TRIM28: variants seen among roughly 807,000 people sequenced by gnomAD.
TRIM28 encodes the protein transcription intermediary factor 1-beta.
Under a neutral mutation model 87.4 loss-of-function variants are expected in TRIM28, and 8 were observed. The ratio of observed to expected loss-of-function variants is 0.09; its 90% CI spans 0.05 to 0.17. The LOEUF is 0.17. TRIM28 is among the 10% of genes least tolerant of loss of function. The pLI, the probability that TRIM28 is intolerant of heterozygous loss-of-function variation, is 1.00. For missense variants in TRIM28, 968 were observed against 1,131.8 expected (o/e 0.86, Z 2.08); for synonymous variants, 601 against 454.3 (o/e 1.32, Z -4.11).
Position 58,549,453 on chromosome 19 carries a change from T to A in TRIM28, c.1785T>A (p.Pro595=), listed in dbSNP as rs368258628. 6.2e-6 allele frequency: 10 copies of A among 1,611,404 alleles called. No homozygotes were observed. In the African/African-American group the frequency reaches 1.3e-4, roughly 22 times the overall value. The change falls in exon 13 of 17, where the codon CCT becomes CCA. Residue 595 remains proline, a synonymous_variant. Coordinates refer to ENST00000253024, the MANE Select transcript of TRIM28 (RefSeq NM_005762.3). This position sits in a 1 kb window ranked among gnomAD's most constrained non-coding sequence, Gnocchi z 4.4. ...CTGAGGGTCCCCGCCTGGCCTCACC[T>A]AGTGGCAGCACCAGCTCAGGGCTGG... is the stretch of plus-strand genomic sequence containing the variant. ...PGAEGPRLAS[P]SGSTSSGLEV... is the part of the protein sequence containing the mutation.
At position 58,544,716 on chromosome 19, in the gene TRIM28, C is replaced by G; in HGVS notation, c.-42C>G. On this transcript the variant is annotated 5_prime_UTR_variant, in exon 1 of 17. Coordinates refer to ENST00000253024, the MANE Select transcript of TRIM28 (RefSeq NM_005762.3). ...GCGTCTGCGCCTGCGCGGCGGGCCC[C>G]GCGCCCCTCCTCCCCCCCTGGGCGC... 1 of 929,670 alleles carries G rather than the reference C, an allele frequency of 1.1e-6. No homozygotes were observed. 57.6% of individuals were successfully genotyped at this position (929,670 alleles called of 1,614,324 possible).
rs1410469423 is a variant in TRIM28 at position 58,549,558 on chromosome 19, C to T, written c.1890C>T (p.Val630=). 1.9e-5 allele frequency: 30 copies of T among 1,614,128 alleles called. No homozygotes were observed. Among genetic ancestry groups the T allele is most frequent in the Non-Finnish European group, 2.5e-5 (30 of 1,180,004 alleles). Residue 630 remains valine, a synonymous_variant, in exon 13 of 17, where the codon GTC becomes GTT. Transcript: ENST00000253024. The surrounding 1 kb of genome is among the most constrained non-coding windows in gnomAD (Gnocchi z 4.4). ...ATGACAGTGCCACCATTTGCCGTGT[C>T]TGCCAGAAGCCAGGCGATCTGGTTA... is the stretch of plus-strand genomic sequence containing the variant. ...TLDDSATICR[V]CQKPGDLVMC...
In TRIM28 at chr19:58,549,224, G is replaced by C; in HGVS notation, c.1646G>C (p.Gly549Ala). 6.2e-7 allele frequency: 1 copy of C among 1,613,526 alleles called. No homozygotes were observed. Reference sequence around the variant, plus strand: ...ACCCCTGGTGCCCCACCCCTGGCTGGCATGGCCATTGTCAAGGTAAGCCTG... The same window carrying C: ...ACCCCTGGTGCCCCACCCCTGGCTGCCATGGCCATTGTCAAGGTAAGCCTG... The part of the protein sequence containing the change: ...AGTPGAPPLA[G>A]MAIVKEEETE... The change falls in exon 12 of 17, where the codon GGC becomes GCC. Residue 549 changes from glycine (G) to alanine (A), a missense_variant. Transcript: ENST00000253024. This position sits in a 1 kb window ranked among gnomAD's most constrained non-coding sequence, Gnocchi z 4.4.
Position 58,549,364 on chromosome 19 carries a change from C to T in TRIM28, c.1696C>T (p.Pro566Ser), listed in dbSNP as rs1568662434. The T allele has an allele frequency of 4.5e-6, 7 of 1,570,638 alleles. No homozygotes were observed. The highest frequency in any genetic ancestry group is 6.1e-6 in the Non-Finnish European group (7 of 1,155,278). ...EETEAAIGAP[P>S]TATEGPETKP... The stretch of plus-strand genomic sequence containing the variant: ...GACGGAGGCTGCCATTGGAGCCCCT[C>T]CTACTGCCACTGAGGGCCCTGAGAC... Residue 566 changes from proline (P) to serine (S), a missense_variant, in exon 13 of 17, where the codon CCT (proline) becomes TCT (serine). Physicochemically the swap from Pro to Ser is moderately conservative, Grantham distance 74 (BLOSUM62 -1). This residue lies in a region of TRIM28 where 164 missense variants were observed against 146.2 expected (regional missense o/e 1.12). Coordinates refer to ENST00000253024, the MANE Select transcript of TRIM28 (RefSeq NM_005762.3). This position sits in a 1 kb window ranked among gnomAD's most constrained non-coding sequence, Gnocchi z 4.4.
At chr19:58,547,280 C>G (rs2053769587) in intron 3 of TRIM28, 96 bp from the exon 4 acceptor site, 5 of 1,511,816 alleles carry the variant, frequency 3.3e-6, no homozygotes, top group Middle Eastern at 1.8e-4. Flanking sequence ...GGCCCAGTGT[C>G]ACAGAACAGG....
In TRIM28 at chr19:58,549,911, G is replaced by A; in HGVS notation, c.2107-38G>A. ...GGTTGCCCAGAGAGGCTTTATAGGT[G>A]CTGCCCAGAGCTGTGACATCCCTTA... On this transcript the variant is annotated intron_variant, in intron 14 of 16. Coordinates refer to ENST00000253024, the MANE Select transcript of TRIM28 (RefSeq NM_005762.3). The surrounding 1 kb of genome is among the most constrained non-coding windows in gnomAD (Gnocchi z 4.4). The A allele has an allele frequency of 6.2e-7, 1 of 1,614,042 alleles. No individual in the cohort carries two copies. The highest frequency in any genetic ancestry group is 1.1e-5 in the South Asian group (1 of 91,078).
rs2053799814 is a variant in TRIM28, at chr19:58,549,911, G to C, written c.2107-38G>C. On this transcript the variant is annotated intron_variant, in intron 14 of 16. Coordinates refer to ENST00000253024, the MANE Select transcript of TRIM28 (RefSeq NM_005762.3). The surrounding 1 kb of genome is among the most constrained non-coding windows in gnomAD (Gnocchi z 4.4). ...GGTTGCCCAGAGAGGCTTTATAGGT[G>C]CTGCCCAGAGCTGTGACATCCCTTA... The C allele has an allele frequency of 1.9e-6, 3 of 1,614,042 alleles. No individual in the cohort carries two copies. The African/African-American group carries it at 4.0e-5, about 22-fold the overall frequency.
intron 3 of TRIM28, among the ~76,000 whole-genome samples, chr19:58,546,973 GAGA>G (rs1315457312): frequency 6.7e-6 from 1 of 150,166 alleles, no homozygotes; most frequent in African/African-American, 2.5e-5. Context: ...ACCATGAAAG[GAGA>G]AGAAAAGGAA....
chr19:58,545,435 T>C lies in TRIM28; in HGVS notation c.351T>C (p.Cys117=), dbSNP rs779928379. 6.2e-7 allele frequency: 1 copy of C among 1,611,472 alleles called. No homozygotes were observed. Among genetic ancestry groups the C allele is most frequent in the Non-Finnish European group, 8.5e-7 (1 of 1,179,030 alleles). ...CCCTGCTTCTCGAAGTGGTGGACTG[T>C]CCCGTGTGCAAGCAACAGTGCTTCT... ...GAAGDGTVVD[C]PVCKQQCFSK... The change falls in exon 2 of 17, where the codon TGT becomes TGC. Residue 117 remains cysteine (C), a synonymous_variant. Transcript: ENST00000253024.
At position 58,549,045 on chromosome 19, in the gene TRIM28, C is replaced by T. The variant is rs2053788434; in HGVS notation, c.1467C>T (p.Ser489=). 1 of 1,614,036 alleles carries T rather than the reference C, an allele frequency of 6.2e-7. No individual in the cohort carries two copies. Among genetic ancestry groups the T allele is most frequent in the Non-Finnish European group, 8.5e-7 (1 of 1,179,970 alleles). Residue 489 remains serine, a synonymous_variant, in exon 12 of 17, where the codon AGC becomes AGT. Transcript: ENST00000253024. The surrounding 1 kb of genome is among the most constrained non-coding windows in gnomAD (Gnocchi z 4.4). ...TTATGCGCAAGGTGCCACGAGTGAG[C>T]CTTGAACGCCTGGACCTGGACCTCA... ...SGLMRKVPRV[S]LERLDLDLTA...
intron 1 of TRIM28, 126 bp downstream of exon 1, chr19:58,545,223 T>C (rs867774077): frequency 7.1e-6 from 7 of 990,462 alleles, no homozygotes; most frequent in African/African-American, 3.3e-5. Context: ...GGAAATACTT[T>C]CTGGGTCCTG....
At chr19:58,550,331 G>C in intron 16 of TRIM28, 46 bp from the exon 17 acceptor site, 1 of 1,613,408 alleles carries the variant, frequency 6.2e-7, no homozygotes, top group Non-Finnish European at 8.5e-7. Flanking sequence ...AGATGTGAAG[G>C]AAAGAACTAG....
chr19:58,549,549 T>C lies in TRIM28; in HGVS notation c.1881T>C (p.Ile627=). ...GPGTLDDSAT[I]CRVCQKPGDL... ...GAACCCTGGATGACAGTGCCACCAT[T>C]TGCCGTGTCTGCCAGAAGCCAGGCG... The change falls in exon 13 of 17, where the codon ATT becomes ATC. Residue 627 remains isoleucine (I), a synonymous_variant. Transcript: ENST00000253024. This position sits in a 1 kb window ranked among gnomAD's most constrained non-coding sequence, Gnocchi z 4.4. 6.2e-7 allele frequency: 1 copy of C among 1,614,078 alleles called. No individual in the cohort carries two copies. Among genetic ancestry groups the C allele is most frequent in the Non-Finnish European group, 8.5e-7 (1 of 1,179,982 alleles).
In TRIM28 at chr19:58,549,413, C is replaced by T. The variant is rs765499008; in HGVS notation, c.1745C>T (p.Ala582Val). Residue 582 changes from alanine (A) to valine (V), a missense_variant, in exon 13 of 17, where the codon GCG becomes GTG. Physicochemically the swap from Ala to Val is moderately conservative, Grantham distance 64. Coordinates refer to ENST00000253024, the MANE Select transcript of TRIM28 (RefSeq NM_005762.3). This position sits in a 1 kb window ranked among gnomAD's most constrained non-coding sequence, Gnocchi z 4.4. ...ACCAAACCTGTGCTTATGGCTCTTG[C>T]GGAGGGTCCTGGTGCTGAGGGTCCC... ...PETKPVLMALAEGPGAEGPRL... is the reference protein window; with the variant it reads ...PETKPVLMALVEGPGAEGPRL... 3.9e-5 allele frequency: 62 copies of T among 1,597,980 alleles called. 1 individual carries two copies. Among genetic ancestry groups the T allele is most frequent in the South Asian group, 2.1e-4 (19 of 90,150 alleles).
Position 58,550,643 on chromosome 19 carries a change from CTG to C in TRIM28, c.*91_*92del. The C allele has an allele frequency of 1.5e-6, 2 of 1,319,028 alleles. No individual in the cohort carries two copies. The highest frequency in any genetic ancestry group is 2.1e-6 in the Non-Finnish European group (2 of 971,322). The allele number at this position is 1,319,028 out of a possible 1,614,324, so 81.7% of individuals were successfully genotyped here. ...CCCCTGGTGGCCTGACTCCCACTCC[CTG>C]GTGGCCCCATCCCCCAGTTCCTCAC... On this transcript the variant is annotated 3_prime_UTR_variant, in exon 17 of 17. Transcript: ENST00000253024.
Position 58,548,337 on chromosome 19 carries a change from C to A in TRIM28, c.1145C>A (p.Pro382His). 1 of 1,614,164 alleles carries A rather than the reference C, an allele frequency of 6.2e-7. No homozygotes were observed. The highest frequency in any genetic ancestry group is 8.5e-7 in the Non-Finnish European group (1 of 1,180,022). The change falls in exon 8 of 17, where the codon CCC becomes CAC. Residue 382 changes from proline to histidine, a missense_variant. Pro to His is a moderately conservative substitution (Grantham distance 77). This residue lies in a region of TRIM28 where 84 missense variants were observed against 139.9 expected (regional missense o/e 0.60). Coordinates refer to ENST00000253024, the MANE Select transcript of TRIM28 (RefSeq NM_005762.3). ...CGGGCCCTCAAGATGATTGTGGATCCCGTGGAGCCACATGGCGAGATGAAG... is the reference window on the plus strand; with the variant it reads ...CGGGCCCTCAAGATGATTGTGGATCACGTGGAGCCACATGGCGAGATGAAG... Reference protein sequence around the residue: ...LHRALKMIVDPVEPHGEMKFQ... With the variant: ...LHRALKMIVDHVEPHGEMKFQ...
At chr19:58,547,102 T>G in intron 3 of TRIM28, 2 of 380,774 alleles carry the variant, frequency 5.3e-6, no homozygotes, top group African/African-American at 2.1e-5. Flanking sequence ...GTGGTCCTCT[T>G]TTTCTAGACG....
intron 3 of TRIM28, among the ~76,000 whole-genome samples, chr19:58,546,482 C>T (rs900496960): frequency 2.0e-5 from 3 of 152,124 alleles, no homozygotes; most frequent in Non-Finnish European, 4.4e-5. Context: ...CATGAGTGGC[C>T]TTTTGGTAGC....
In TRIM28 at chr19:58,549,129, C is replaced by T. The variant is rs2053789279; in HGVS notation, c.1551C>T (p.Tyr517=). Residue 517 remains tyrosine (Y), a synonymous_variant, in exon 12 of 17, where the codon TAC becomes TAT. Transcript: ENST00000253024. This position sits in a 1 kb window ranked among gnomAD's most constrained non-coding sequence, Gnocchi z 4.4. ...TCCCAGGCAGTACCACTGAGGACTACAACCTTATTGTTATTGAACGTGGCG... is the reference window on the plus strand; with the variant it reads ...TCCCAGGCAGTACCACTGAGGACTATAACCTTATTGTTATTGAACGTGGCG... The part of the protein sequence containing the change: ...KVFPGSTTED[Y]NLIVIERGAA... The T allele has an allele frequency of 7.4e-6, 12 of 1,614,192 alleles. No homozygotes were observed. Among genetic ancestry groups the T allele is most frequent in the Non-Finnish European group, 1.0e-5 (12 of 1,180,038 alleles).
Sources: allele counts gnomAD v4.1 joint callset (sites outside exome capture counted in the v4.1 genomes callset), GRCh38; gene constraint gnomAD v4.1.1; regional missense constraint gnomAD v4.1.1; non-coding constraint Gnocchi (gnomAD v3.1); transcripts MANE v1.5; gene names NCBI Gene and HGNC (gene_info 2026-07-23, HGNC 2026-07-21).